Variants in UBAP1L observed in about 807,000 individuals in gnomAD.
The protein encoded by UBAP1L is ubiquitin-associated protein 1-like.
A neutral mutation model predicts 32.1 loss-of-function variants in UBAP1L; 32 were observed. That is an observed-to-expected ratio of 1.00 (90% CI 0.75 to 1.34). The LOEUF (loss-of-function observed/expected upper bound fraction) is 1.34, where lower values mean the gene tolerates loss of function less well. Ranked by LOEUF, UBAP1L falls within the 40% of genes most tolerant of loss-of-function variation. The pLI, the probability that UBAP1L is intolerant of heterozygous loss-of-function variation, is 0.00. For synonymous variants in UBAP1L, 243 were observed against 250.2 expected (o/e 0.97, Z 0.27); for missense variants, 516 against 540.5 (o/e 0.95, Z 0.45).
In UBAP1L at chr15:65,093,049, G is replaced by C; in HGVS notation, c.*48C>G. Reference sequence around the variant, plus strand: ...TAATACAGTTAGGATGGGTTGCCAGGTCTGGCATTGGGCCTAGATGCCCAG... The same window carrying C: ...TAATACAGTTAGGATGGGTTGCCAGCTCTGGCATTGGGCCTAGATGCCCAG... On this transcript the variant is annotated 3_prime_UTR_variant, in exon 6 of 6. Coordinates refer to ENST00000559089, the MANE Select transcript of UBAP1L (RefSeq NM_001163692.2). The C allele has an allele frequency of 6.6e-7, 1 of 1,525,056 alleles. No individual in the cohort carries two copies. The highest frequency in any genetic ancestry group is 8.8e-7 in the Non-Finnish European group (1 of 1,139,774). 94.5% of individuals were successfully genotyped at this position (1,525,056 alleles called of 1,614,324 possible). A position where few individuals can be genotyped will look rare whatever the true frequency, so the allele number is the denominator to read the frequency against.
rs1323895779 is a variant in UBAP1L, at chr15:65,102,333, C to A, written c.472G>T (p.Ala158Ser). Residue 158 changes from alanine (A) to serine (S), a missense_variant, in exon 3 of 6, where the codon GCG becomes TCG. Transcript: ENST00000559089. This position sits in a 1 kb window ranked among gnomAD's most constrained non-coding sequence, Gnocchi z 5.0. The stretch of plus-strand genomic sequence containing the variant: ...TTCCCCTCGGAGAGCCGCCGCCGCG[C>A]CCCTGCCAGCTCCAACCGCACGCCG... ...LRGVRLELAG[A>S]RRRLSEGKLV... is the part of the protein sequence containing the mutation. 5.5e-6 allele frequency: 8 copies of A among 1,457,530 alleles called. No homozygotes were observed. Among genetic ancestry groups the A allele is most frequent in the Non-Finnish European group, 6.3e-6 (7 of 1,112,870 alleles). 90.3% of individuals were successfully genotyped at this position (1,457,530 alleles called of 1,614,324 possible).
intron 2 of UBAP1L, chr15:65,104,890 C>A (rs1014027468): frequency 5.3e-5 from 21 of 393,792 alleles, no homozygotes; most frequent in African/African-American, 4.3e-4. Context: ...GCCTGTAATC[C>A]CAGCTACTCG....
intron 5 of UBAP1L, 80 bp from the exon 6 acceptor site, chr15:65,093,311 C>CT: frequency 7.0e-7 from 1 of 1,429,832 alleles, no homozygotes; most frequent in Non-Finnish European, 9.1e-7. Context: ...GCTCCAGTGC[C>CT]TACTGCACCT....
At chr15:65,099,148 A>AT in intron 4 of UBAP1L, 38 of 238,458 alleles carry the variant, frequency 1.6e-4, no homozygotes, top group Admixed American at 3.1e-4. Flanking sequence ...CGTGTGGTAG[A>AT]CTCTGTGATG....
In UBAP1L at chr15:65,102,521, CTGAT is replaced by C. The variant is rs1389776896; in HGVS notation, c.280_283del (p.Ile94GlufsTer90). ...CTCCTGGTGTCCGGCCTCCGGGTCT[CTGAT>C]TGTGGTGGGCGCAGGCGCCAGCCCA... On this transcript the variant is annotated frameshift_variant, in exon 3 of 6. Coordinates refer to ENST00000559089, the MANE Select transcript of UBAP1L (RefSeq NM_001163692.2). LOFTEE classifies it high-confidence loss of function. The surrounding 1 kb of genome is among the most constrained non-coding windows in gnomAD (Gnocchi z 5.0). The C allele has an allele frequency of 6.7e-7, 1 of 1,489,980 alleles. No homozygotes were observed. Among genetic ancestry groups the C allele is most frequent in the South Asian group, 1.3e-5 (1 of 76,010 alleles). The allele number at this position is 1,489,980 out of a possible 1,614,324, so 92.3% of individuals were successfully genotyped here.
chr15:65,107,603 G>A (rs2087329364), intron 1 of UBAP1L, among the ~76,000 whole-genome samples: 1 of 151,848 alleles, frequency 6.6e-6, no homozygotes, highest in African/African-American at 2.4e-5. Flanking sequence ...GCTGGGCATG[G>A]TGGTGGGTGC....
chr15:65,095,471 G>C (rs1161695219), intron 4 of UBAP1L: 1 of 152,270 alleles, frequency 6.6e-6, no homozygotes, highest in Non-Finnish European at 1.5e-5. Context: ...ATTCACCACA[G>C]TGTCCCCATC....
At chr15:65,093,920 G>A (rs1395472651) in intron 5 of UBAP1L, among the ~76,000 whole-genome samples, 1 of 152,178 alleles carries the variant, frequency 6.6e-6, no homozygotes, top group African/African-American at 2.4e-5. Flanking sequence ...GGTGGCAGGC[G>A]CCTGTAATCC....
At chr15:65,108,886 G>A (rs958346774) in intron 1 of UBAP1L, among the ~76,000 whole-genome samples, 1 of 152,072 alleles carries the variant, frequency 6.6e-6, no homozygotes, top group Non-Finnish European at 1.5e-5. Context: ...GCCAGGTGCA[G>A]TGGCTCACAC....
Position 65,094,561 on chromosome 15 carries a change from T to C in UBAP1L, c.925A>G (p.Ser309Gly). The part of the protein sequence containing the change: ...QSLSQFLSYL[S>G]ACDRLLRQGY... ...TGACGTAACAGGCGGTCACAGGCAC[T>C]GAGGTAGCTGAGAAACTGGGCCGGA... The change falls in exon 5 of 6, where the codon AGT becomes GGT. Residue 309 changes from serine (S) to glycine (G), a missense_variant. Physicochemically the swap from Ser to Gly is moderately conservative, Grantham distance 56. Transcript: ENST00000559089. The surrounding 1 kb of genome is among the most constrained non-coding windows in gnomAD (Gnocchi z 4.2). 2 of 1,551,254 alleles carry C rather than the reference T, an allele frequency of 1.3e-6. No homozygotes were observed. Among genetic ancestry groups the C allele is most frequent in the Non-Finnish European group, 1.7e-6 (2 of 1,146,902 alleles).
At chr15:65,095,607 C>G (rs894678525) in intron 4 of UBAP1L, 54 of 152,362 alleles carry the variant, frequency 3.5e-4, no homozygotes, top group African/African-American at 1.2e-3. Context: ...CACATCAGTG[C>G]CAGGCAAATC....
intron 1 of UBAP1L, among the ~76,000 whole-genome samples, chr15:65,113,987 A>T (rs1392999699): frequency 1.3e-5 from 2 of 151,998 alleles, no homozygotes; most frequent in African/African-American, 4.8e-5. Flanking sequence ...CCCAGGTTCA[A>T]TAGATTCTCC....
chr15:65,093,872 C>T (rs1339124761), intron 5 of UBAP1L, among the ~76,000 whole-genome samples: 2 of 152,048 alleles, frequency 1.3e-5, no homozygotes, highest in Non-Finnish European at 1.5e-5. Flanking sequence ...GGTGAAACTC[C>T]GTCTCTACTG....
chr15:65,099,674 G>GC lies in UBAP1L; in HGVS notation c.739dup (p.Ala247GlyfsTer13), dbSNP rs753661357. On this transcript the variant is annotated frameshift_variant, in exon 4 of 6. Transcript: ENST00000559089. LOFTEE classifies it high-confidence loss of function. The stretch of plus-strand genomic sequence containing the variant: ...CTTGTGGGGGTTGAGAGGTTGGGGT[G>GC]CCCCCCCAAGAGGTGGCAGACAGGT... 5.0e-5 allele frequency: 78 copies of GC among 1,551,056 alleles called. No individual in the cohort carries two copies. Among genetic ancestry groups the GC allele is most frequent in the South Asian group, 2.4e-4 (20 of 84,024 alleles).
At chr15:65,113,317 C>T (rs904453723) in intron 1 of UBAP1L, among the ~76,000 whole-genome samples, 2 of 152,186 alleles carry the variant, frequency 1.3e-5, no homozygotes, top group Non-Finnish European at 2.9e-5. Flanking sequence ...GTGTCTGGCC[C>T]GTTTCCTCTC....
chr15:65,100,466 T>C (rs1188961297), intron 3 of UBAP1L: 1 of 152,226 alleles, frequency 6.6e-6, no homozygotes, highest in Non-Finnish European at 1.5e-5. Flanking sequence ...CAGGCCCTCC[T>C]TCTTGAATTT....
In UBAP1L at chr15:65,102,508, G is replaced by A. The variant is rs1478183589; in HGVS notation, c.297C>T (p.Ala99=). ...PAPTTIRDPE[A]GHQERPEEEG... is the part of the protein sequence containing the mutation. ...CCTCCTCCGGCCTCTCCTGGTGTCC[G>A]GCCTCCGGGTCTCTGATTGTGGTGG... Residue 99 remains alanine (A), a synonymous_variant, in exon 3 of 6, where the codon GCC becomes GCT. Coordinates refer to ENST00000559089, the MANE Select transcript of UBAP1L (RefSeq NM_001163692.2). The surrounding 1 kb of genome is among the most constrained non-coding windows in gnomAD (Gnocchi z 5.0). 4.1e-6 allele frequency: 6 copies of A among 1,469,494 alleles called. No individual in the cohort carries two copies. Among genetic ancestry groups the A allele is most frequent in the Non-Finnish European group, 4.5e-6 (5 of 1,109,440 alleles). 91.0% of individuals were successfully genotyped at this position (1,469,494 alleles called of 1,614,324 possible).
intron 2 of UBAP1L, chr15:65,105,076 T>A (rs1595921974): frequency 5.0e-6 from 1 of 200,340 alleles, no homozygotes; most frequent in Admixed American, 5.9e-5. Context: ...CTACTTGGGA[T>A]GCTGAGGTGG....
chr15:65,099,751 A>AG (rs1444322900), intron 3 of UBAP1L, 37 bp from the exon 4 acceptor site: 1 of 1,508,836 alleles, frequency 6.6e-7, no homozygotes, highest in African/African-American at 1.4e-5. Flanking sequence ...CAGTTACTAC[A>AG]GGAAGTGACA....
Sources: gnomAD v4.1 joint callset for allele counts (sites outside exome capture counted in the v4.1 genomes callset) on GRCh38, gnomAD v4.1.1 for gene constraint, Gnocchi (gnomAD v3.1) non-coding constraint, MANE v1.5 for transcripts, NCBI Gene and HGNC (gene_info 2026-07-23, HGNC 2026-07-21) for gene names.